Variants in REEP5 observed in about 807,000 individuals in gnomAD.
The protein encoded by REEP5 is receptor accessory protein 5, also known as receptor expression-enhancing protein 5.
A neutral mutation model predicts 22.4 loss-of-function variants in REEP5; 24 were observed. That is an observed-to-expected ratio of 1.07 (90% confidence interval 0.78 to 1.51). The LOEUF (loss-of-function observed/expected upper bound fraction) is 1.51. Ranked by LOEUF, REEP5 falls within the 40% of genes most tolerant of loss-of-function variation. The probability of loss-of-function intolerance (pLI) is 0.00; values close to 1 mark genes in which losing one functional copy is unlikely to be tolerated. For missense variants in REEP5, 252 were observed against 233.0 expected, an observed-to-expected ratio of 1.08 and a Z score of -0.53; for synonymous variants, 103 against 88.6, an observed-to-expected ratio of 1.16 and a Z score of -0.92.
chr5:112,916,469 T>C (rs1417704738), intron 2 of REEP5, among the ~76,000 whole-genome samples: 7 of 152,208 alleles, frequency 4.6e-5, no homozygotes, highest in Admixed American at 6.5e-5. Context: ...CAAAGCTACA[T>C]AACAGATAAG....
intron 2 of REEP5, among the ~76,000 whole-genome samples, chr5:112,914,626 T>C (rs1164565193): frequency 3.9e-5 from 6 of 152,236 alleles, no homozygotes; most frequent in Non-Finnish European, 8.8e-5. Context: ...AGTATCTGTG[T>C]CAGATTGGTA....
At chr5:112,885,836 A>T in intron 4 of REEP5, 1 of 199,726 alleles carries the variant, frequency 5.0e-6, no homozygotes. Context: ...AGCACCTCTC[A>T]GCCTTTTAGA....
At chr5:112,921,318 G>A (rs1157339742) in intron 1 of REEP5, 62 bp from the exon 2 acceptor site, 17 of 1,500,312 alleles carry the variant, frequency 1.1e-5, no homozygotes, top group East Asian at 2.3e-5. Context: ...CGGGACAGCC[G>A]CCGCCCACAC....
At chr5:112,884,806 AT>A (rs36081572) in intron 4 of REEP5, among the ~76,000 whole-genome samples, 2 of 149,034 alleles carry the variant, frequency 1.3e-5, no homozygotes, top group African/African-American at 2.5e-5. Context: ...TACTTGCTTT[AT>A]TTTTTCCCTA....
In REEP5 at chr5:112,877,311, T is replaced by TA. The variant is rs1394724817; in HGVS notation, c.*1474dup. The TA allele has an allele frequency of 1.3e-5, 2 of 152,190 alleles. No homozygotes were observed. Among genetic ancestry groups the TA allele is most frequent in the South Asian group, 2.1e-4 (1 of 4,832 alleles). The allele number at this position is 152,190 out of a possible 1,614,324, so 9.4% of individuals were successfully genotyped here. A position where few individuals can be genotyped will look rare whatever the true frequency, so the allele number is the denominator to read the frequency against. ...GTGAGCTAATCATCTTTATTTGCCT[T>TA]AAAAAATACTGTACTGGCTGGATAT... On this transcript the variant is annotated 3_prime_UTR_variant, in exon 5 of 5. Coordinates refer to ENST00000379638, the MANE Select transcript of REEP5 (RefSeq NM_005669.5).
chr5:112,894,151 C>T (rs1292653693), intron 3 of REEP5: 3 of 142,436 alleles, frequency 2.1e-5, no homozygotes, highest in Non-Finnish European at 3.0e-5. Context: ...GAGACGGAGT[C>T]TTGCTCTGTT....
At chr5:112,921,604 C>G (rs959772239) in intron 1 of REEP5, 1 of 325,996 alleles carries the variant, frequency 3.1e-6, no homozygotes, top group African/African-American at 2.2e-5. Flanking sequence ...CTGCGCTCAG[C>G]GGGGAGCGTC....
chr5:112,891,813 T>C (rs1213782480), intron 3 of REEP5: 2 of 1,594,650 alleles, frequency 1.3e-6, no homozygotes, highest in Non-Finnish European at 1.7e-6. Context: ...ACACTTTTAT[T>C]GAAGAACAAC....
rs376946423 is a variant in REEP5 at position 112,902,328 on chromosome 5, T to A, written c.351+52A>T. 80 of 1,513,120 alleles carry A rather than the reference T, an allele frequency of 5.3e-5. No individual in the cohort carries two copies. In the African/African-American group the frequency reaches 9.8e-4, roughly 19 times the overall value. The allele number at this position is 1,513,120 out of a possible 1,614,324, so 93.7% of individuals were successfully genotyped here. A position where few individuals can be genotyped will look rare whatever the true frequency, so the allele number is the denominator to read the frequency against. ...CAACATTCAAGCATTTATTCCTACTTCTTCTATACAGGTACTGAGATGGAG... is the reference window on the plus strand; with the variant it reads ...CAACATTCAAGCATTTATTCCTACTACTTCTATACAGGTACTGAGATGGAG... On this transcript the variant is annotated intron_variant, in intron 3 of 4. Transcript: ENST00000379638.
intron 2 of REEP5, among the ~76,000 whole-genome samples, chr5:112,916,327 T>C (rs1484197462): frequency 1.3e-5 from 2 of 152,204 alleles, no homozygotes; most frequent in South Asian, 2.1e-4. Context: ...CCCAAACATC[T>C]TCCCTTGAGA....
intron 1 of REEP5, chr5:112,921,787 G>A (rs138458657): frequency 6.7e-6 from 2 of 299,790 alleles, no homozygotes; most frequent in Non-Finnish European, 1.2e-5. Flanking sequence ...GCAGGAATAG[G>A]GCGCCGGGCC....
At chr5:112,884,781 C>A (rs893072818) in intron 4 of REEP5, among the ~76,000 whole-genome samples, 2 of 50,374 alleles carry the variant, frequency 4.0e-5, no homozygotes, top group African/African-American at 3.3e-4. Flanking sequence ...AGTCCTTGGC[C>A]CCCCCCCATC....
intron 4 of REEP5, among the ~76,000 whole-genome samples, chr5:112,879,236 C>G (rs931294599): frequency 1.4e-5 from 2 of 146,506 alleles, no homozygotes; most frequent in African/African-American, 2.5e-5. Flanking sequence ...CTGATGACAA[C>G]TAGGTCATCA....
chr5:112,901,987 G>A (rs1290237076), intron 3 of REEP5, among the ~76,000 whole-genome samples: 1 of 150,332 alleles, frequency 6.7e-6, no homozygotes, highest in South Asian at 2.1e-4. Context: ...AAAAAAAAAG[G>A]CTAAGACCAA....
At chr5:112,892,864 G>C in intron 3 of REEP5, 2 of 1,613,302 alleles carry the variant, frequency 1.2e-6, no homozygotes, top group African/African-American at 1.3e-5. Context: ...TAGTCATAGG[G>C]GGAAGAAATC....
chr5:112,879,171 C>CTA (rs1391161012), intron 4 of REEP5, among the ~76,000 whole-genome samples: 2 of 152,120 alleles, frequency 1.3e-5, no homozygotes, highest in African/African-American at 2.4e-5. Context: ...TGTTCAAATT[C>CTA]TATTTGTATC....
At chr5:112,887,417 A>T (rs1000948532) in intron 3 of REEP5, among the ~76,000 whole-genome samples, 1 of 152,242 alleles carries the variant, frequency 6.6e-6, no homozygotes, top group East Asian at 1.9e-4. Flanking sequence ...AAAACACACC[A>T]GGTCCAGGAG....
At chr5:112,887,283 C>G in intron 3 of REEP5, 100 bp from the exon 4 acceptor site, 1 of 1,138,962 alleles carries the variant, frequency 8.8e-7, no homozygotes, top group South Asian at 2.8e-5. Flanking sequence ...GGAGATGCCT[C>G]TGTTATTTTC....
chr5:112,892,079 A>G, intron 3 of REEP5: 1 of 1,603,234 alleles, frequency 6.2e-7, no homozygotes, highest in Non-Finnish European at 8.5e-7. Flanking sequence ...ATGCTGGATC[A>G]GGCTGAAAAT....
Sources: allele counts gnomAD v4.1 joint callset (sites outside exome capture counted in the v4.1 genomes callset), GRCh38; gene constraint gnomAD v4.1.1; transcripts MANE v1.5; gene names NCBI Gene and HGNC (gene_info 2026-07-23, HGNC 2026-07-21).